The following KCNMA1 variants were observed in gnomAD, a reference collection of about 807,000 sequenced individuals.
The protein encoded by KCNMA1 is potassium calcium-activated channel subfamily M alpha 1.
In KCNMA1, 29 loss-of-function variants were observed where a neutral mutation model predicts 140.0. The observed-to-expected ratio is 0.21, with a 90% CI of 0.15 to 0.28. KCNMA1 has a LOEUF of 0.28. KCNMA1 is among the 10% of genes least tolerant of loss of function. KCNMA1 has a pLI of 1.00. For missense variants in KCNMA1, 880 were observed against 1,602.2 expected, an observed-to-expected ratio of 0.55 and a Z score of 7.70; for synonymous variants, 612 against 611.9, an observed-to-expected ratio of 1.00 and a Z score of 0.00.
downstream of KCNMA1, chr10:76,876,761 A>G (rs1359120071): frequency 6.6e-6 from 1 of 152,230 alleles, no homozygotes; most frequent in Non-Finnish European, 1.5e-5. Flanking sequence ...ATGGTAAAGT[A>G]AAACTACTAA....
chr10:77,140,781 C>G (rs529478898), intron 5 of KCNMA1: 4 of 152,326 alleles, frequency 2.6e-5, no homozygotes, highest in Non-Finnish European at 4.4e-5. Flanking sequence ...TTAAGAGGGG[C>G]GGGGGAAGCA....
chr10:76,970,240 G>C (rs1046174860), intron 19 of KCNMA1, 173 bp from the exon 20 acceptor site: 3 of 632,464 alleles, frequency 4.7e-6, no homozygotes, highest in Admixed American at 4.3e-5. Flanking sequence ...GGCCGGCTTA[G>C]AGAAGGTGAA....
At chr10:77,557,389 C>T (rs903128538) in intron 1 of KCNMA1, among the ~76,000 whole-genome samples, 1 of 152,164 alleles carries the variant, frequency 6.6e-6, no homozygotes, top group African/African-American at 2.4e-5. Context: ...AAACACTCCA[C>T]CAGCCAGAGG....
chr10:77,305,551 C>G (rs1314529336), intron 2 of KCNMA1, among the ~76,000 whole-genome samples: 2 of 152,194 alleles, frequency 1.3e-5, no homozygotes, highest in Non-Finnish European at 2.9e-5. Context: ...GGAGCTCTCT[C>G]TACCAAAGGT....
intron 1 of KCNMA1, among the ~76,000 whole-genome samples, chr10:77,507,823 A>C (rs2094975363): frequency 6.6e-6 from 1 of 152,264 alleles, no homozygotes; most frequent in South Asian, 2.1e-4. Context: ...AGAGAATCTT[A>C]AAAAACATGT....
chr10:77,159,178 A>G (rs2098526373), intron 5 of KCNMA1, among the ~76,000 whole-genome samples: 1 of 152,156 alleles, frequency 6.6e-6, no homozygotes, highest in Non-Finnish European at 1.5e-5. Flanking sequence ...CCAATGTCTG[A>G]GAGAGCTCTA....
Position 77,584,578 on chromosome 10 carries a change from C to T in KCNMA1, c.378+52687G>A, listed in dbSNP as rs925433712. On this transcript the variant is annotated intron_variant, in intron 1 of 27. Coordinates refer to ENST00000286628, the MANE Select transcript of KCNMA1 (RefSeq NM_001161352.2). ...TTCACCATGTTAGCCAGGGTGGTCTCGATCTCTTGACTTCATGATCTGCCT... is the reference window on the plus strand; with the variant it reads ...TTCACCATGTTAGCCAGGGTGGTCTTGATCTCTTGACTTCATGATCTGCCT... Among the ~76,000 whole-genome samples, 7 of 152,104 alleles carry T rather than the reference C, an allele frequency of 4.6e-5. No individual in the cohort carries two copies. In the East Asian group the frequency reaches 7.7e-4, roughly 17 times the overall value.
chr10:77,164,413 T>C (rs1213936262), intron 5 of KCNMA1, among the ~76,000 whole-genome samples: 1 of 152,218 alleles, frequency 6.6e-6, no homozygotes, highest in African/African-American at 2.4e-5. Flanking sequence ...TCTCCTTCCA[T>C]GCACATTTCT....
At chr10:76,965,997 G>A (rs1047182254) in intron 20 of KCNMA1, among the ~76,000 whole-genome samples, 1 of 152,110 alleles carries the variant, frequency 6.6e-6, no homozygotes, top group African/African-American at 2.4e-5. Context: ...CCAATTCTGT[G>A]TTTTTATGTG....
chr10:77,511,871 G>A (rs905091524), intron 1 of KCNMA1, among the ~76,000 whole-genome samples: 2 of 152,194 alleles, frequency 1.3e-5, no homozygotes, highest in African/African-American at 4.8e-5. Context: ...TATGTTGCCT[G>A]AGAGACAATG....
At chr10:77,621,949 A>G (rs571060516) in intron 1 of KCNMA1, among the ~76,000 whole-genome samples, 4 of 152,264 alleles carry the variant, frequency 2.6e-5, no homozygotes, top group African/African-American at 7.2e-5. Flanking sequence ...AAATGACCCA[A>G]TATTGATTCT....
At chr10:77,632,021 G>A (rs987855261) in intron 1 of KCNMA1, among the ~76,000 whole-genome samples, 48 of 152,322 alleles carry the variant, frequency 3.2e-4, no homozygotes, top group African/African-American at 1.0e-3. Context: ...AAGGCATGAC[G>A]TCTTTGCCCA....
intron 1 of KCNMA1, among the ~76,000 whole-genome samples, chr10:77,409,012 T>C (rs1005610830): frequency 6.6e-6 from 1 of 152,056 alleles, no homozygotes; most frequent in Non-Finnish European, 1.5e-5. Context: ...CACAGTCCCC[T>C]CCCGACACCC....
At chr10:77,230,138 T>C (rs1438215687) in intron 3 of KCNMA1, among the ~76,000 whole-genome samples, 1 of 152,228 alleles carries the variant, frequency 6.6e-6, no homozygotes, top group Non-Finnish European at 1.5e-5. Context: ...TGATACGTGC[T>C]ACAACGTGGA....
intron 9 of KCNMA1, among the ~76,000 whole-genome samples, chr10:77,102,159 C>T (rs768270799): frequency 6.6e-6 from 1 of 152,148 alleles, no homozygotes; most frequent in Non-Finnish European, 1.5e-5. Flanking sequence ...GACATGAAGG[C>T]ATGACTCGTG....
In KCNMA1 at chr10:77,188,405, G is replaced by T. The variant is rs140719265; in HGVS notation, c.603-3489C>A. On this transcript the variant is annotated intron_variant, in intron 3 of 27. Coordinates refer to ENST00000286628, the MANE Select transcript of KCNMA1 (RefSeq NM_001161352.2). ...TTAACTTATATCCTCTTAATAATTAGAGAATATAAGATACTTGGTAAGTGG... is the reference window on the plus strand; with the variant it reads ...TTAACTTATATCCTCTTAATAATTATAGAATATAAGATACTTGGTAAGTGG... 3.8e-3 allele frequency among the ~76,000 whole-genome samples: 574 copies of T among 152,202 alleles called. 3 individuals are homozygous for T. Among genetic ancestry groups the T allele is most frequent in the African/African-American group, 0.012 (509 of 41,524 alleles).
chr10:77,567,571 C>T lies in KCNMA1; in HGVS notation c.378+69694G>A, dbSNP rs1003860551. Reference sequence around the variant, plus strand: ...GGGAGAAACTATTTAGTATCCAGAACCAAGGAAAGTAAAGGCTAAAGGGAA... The same window carrying T: ...GGGAGAAACTATTTAGTATCCAGAATCAAGGAAAGTAAAGGCTAAAGGGAA... On this transcript the variant is annotated intron_variant, in intron 1 of 27. Coordinates refer to ENST00000286628, the MANE Select transcript of KCNMA1 (RefSeq NM_001161352.2). Among the ~76,000 whole-genome samples, 3 of 152,150 alleles carry T rather than the reference C, an allele frequency of 2.0e-5. No individual in the cohort carries two copies. In the South Asian group the frequency reaches 6.2e-4, roughly 32 times the overall value.
chr10:77,403,970 T>A lies in KCNMA1; in HGVS notation c.432A>T (p.Pro144=), dbSNP rs1433748092. The part of the protein sequence containing the change: ...GSSQADGTLK[P]VDEKEEAVAA... ...CCACTGCCTCCTCTTTTTCATCCACTGGTTTGAGAGTGCCATCCGCCTGGC... is the reference window on the plus strand; with the variant it reads ...CCACTGCCTCCTCTTTTTCATCCACAGGTTTGAGAGTGCCATCCGCCTGGC... The change falls in exon 2 of 28, where the codon CCA becomes CCT. Residue 144 remains proline (P), a synonymous_variant. Transcript: ENST00000286628. 6.2e-7 allele frequency: 1 copy of A among 1,614,196 alleles called. No individual in the cohort carries two copies. Among genetic ancestry groups the A allele is most frequent in the Admixed American group, 1.7e-5 (1 of 60,026 alleles).
chr10:76,904,304 C>T (rs1020216108), intron 25 of KCNMA1: 1 of 152,190 alleles, frequency 6.6e-6, no homozygotes, highest in East Asian at 1.9e-4. Flanking sequence ...ACTGGACATG[C>T]AAACTCCTGC....
Sources: gnomAD v4.1 joint callset for allele counts (sites outside exome capture counted in the v4.1 genomes callset) on GRCh38, gnomAD v4.1.1 for gene constraint, MANE v1.5 for transcripts, NCBI Gene and HGNC (gene_info 2026-07-23, HGNC 2026-07-21) for gene names.